The following GPC5 variants were observed in gnomAD, a reference collection of about 807,000 sequenced individuals.
GPC5 encodes the protein glypican-5.
Under a neutral mutation model 53.9 loss-of-function variants are expected in GPC5, and 47 were observed. That is an observed-to-expected ratio of 0.87 (90% CI 0.69 to 1.11). GPC5 has a LOEUF of 1.11. GPC5 is among the 50% of genes most tolerant of loss of function. GPC5 has a pLI of 0.00. For synonymous variants in GPC5, 286 were observed against 263.3 expected (o/e 1.09, Z -0.84); for missense variants, 748 against 713.1 (o/e 1.05, Z -0.56).
At chr13:92,112,001 T>C (rs1006170136) in intron 6 of GPC5, among the ~76,000 whole-genome samples, 2 of 152,120 alleles carry the variant, frequency 1.3e-5, no homozygotes, top group African/African-American at 4.8e-5. Context: ...TAAGAAACAA[T>C]GAGACTAAAA....
chr13:92,761,455 G>A (rs942039888), intron 7 of GPC5, among the ~76,000 whole-genome samples: 5 of 152,080 alleles, frequency 3.3e-5, no homozygotes, highest in African/African-American at 7.2e-5. Flanking sequence ...TACGTTTCTT[G>A]TGACTTTAAG....
intron 5 of GPC5, among the ~76,000 whole-genome samples, chr13:91,808,942 AT>A (rs2038267504): frequency 6.6e-6 from 1 of 152,194 alleles, no homozygotes; most frequent in Non-Finnish European, 1.5e-5. Context: ...AGCCCTCAAT[AT>A]CTTTGTGTTA....
intron 7 of GPC5, among the ~76,000 whole-genome samples, chr13:92,485,779 C>T (rs1183513798): frequency 6.6e-6 from 1 of 152,102 alleles, no homozygotes; most frequent in African/African-American, 2.4e-5. Flanking sequence ...AGCTTGAGAC[C>T]AGCCTGGCTA....
chr13:91,435,095 G>A (rs1317154040), intron 1 of GPC5, among the ~76,000 whole-genome samples: 1 of 152,148 alleles, frequency 6.6e-6, no homozygotes, highest in East Asian at 1.9e-4. Flanking sequence ...GGGCTGAGAT[G>A]ATGGGGTTTT....
chr13:91,911,006 T>A (rs2039604786), intron 6 of GPC5, among the ~76,000 whole-genome samples: 2 of 152,010 alleles, frequency 1.3e-5, no homozygotes. Context: ...TGATTCTGAA[T>A]AAGGAGAAGA....
At chr13:91,723,530 A>G (rs568439030) in intron 3 of GPC5, among the ~76,000 whole-genome samples, 3 of 151,794 alleles carry the variant, frequency 2.0e-5, no homozygotes, top group East Asian at 1.9e-4. Flanking sequence ...TCTAACTTCC[A>G]TATATCAGTG....
At chr13:92,217,508 T>A (rs1015272882) in intron 7 of GPC5, among the ~76,000 whole-genome samples, 3 of 152,138 alleles carry the variant, frequency 2.0e-5, no homozygotes, top group Non-Finnish European at 1.5e-5. Context: ...CTCCTGATAT[T>A]TTCTGCTAGT....
chr13:92,668,611 T>C (rs1886648067), intron 7 of GPC5, among the ~76,000 whole-genome samples: 2 of 152,160 alleles, frequency 1.3e-5, no homozygotes, highest in Admixed American at 6.6e-5. Context: ...ATTGTTGTCA[T>C]TGTTATTTTT....
At chr13:92,263,467 C>G (rs1280032406) in intron 7 of GPC5, among the ~76,000 whole-genome samples, 1 of 152,052 alleles carries the variant, frequency 6.6e-6, no homozygotes. Flanking sequence ...CACTTTTCCT[C>G]TCTTGTTTCT....
chr13:91,608,505 C>T (rs949565346), intron 2 of GPC5, among the ~76,000 whole-genome samples: 2 of 152,126 alleles, frequency 1.3e-5, no homozygotes, highest in African/African-American at 4.8e-5. Flanking sequence ...CATATTGTTG[C>T]AGGTAGAACC....
In GPC5 at chr13:91,693,695, G is replaced by C. The variant is rs764915776; in HGVS notation, c.834G>C (p.Met278Ile). ...KPCMGYCLNV[M>I]RGCLAHMAEL... ...GTATGGGATACTGCCTCAATGTCATGCGAGGCTGCCTGGCGCACATGGCGG... is the reference window on the plus strand; with the variant it reads ...GTATGGGATACTGCCTCAATGTCATCCGAGGCTGCCTGGCGCACATGGCGG... Residue 278 changes from methionine to isoleucine, a missense_variant, in exon 3 of 8, where the codon ATG becomes ATC. Met to Ile is a conservative substitution (Grantham distance 10). Coordinates refer to ENST00000377067, the MANE Select transcript of GPC5 (RefSeq NM_004466.6). The C allele has an allele frequency of 1.9e-6, 3 of 1,614,168 alleles. No individual in the cohort carries two copies. In the South Asian group the frequency reaches 3.3e-5, roughly 18 times the overall value.
chr13:92,518,675 T>C (rs540518927), intron 7 of GPC5, among the ~76,000 whole-genome samples: 1 of 152,208 alleles, frequency 6.6e-6, no homozygotes, highest in Non-Finnish European at 1.5e-5. Context: ...TGCAAAAACA[T>C]GACAAATTGT....
intron 7 of GPC5, among the ~76,000 whole-genome samples, chr13:92,390,725 AAAG>A (rs1454084356): frequency 2.6e-5 from 4 of 152,138 alleles, no homozygotes; most frequent in African/African-American, 9.7e-5. Flanking sequence ...TGTGGCCAAA[AAAG>A]AGAAAAAAAA....
intron 7 of GPC5, among the ~76,000 whole-genome samples, chr13:92,696,464 T>A (rs1340302924): frequency 1.3e-5 from 2 of 152,254 alleles, no homozygotes; most frequent in Non-Finnish European, 2.9e-5. Context: ...TTAGCTTTTT[T>A]AAATATGTTA....
At chr13:92,657,242 A>G (rs1176444230) in intron 7 of GPC5, among the ~76,000 whole-genome samples, 2 of 152,156 alleles carry the variant, frequency 1.3e-5, no homozygotes, top group Non-Finnish European at 2.9e-5. Flanking sequence ...AGTATGATAA[A>G]TATATTTAAA....
intron 6 of GPC5, among the ~76,000 whole-genome samples, chr13:91,944,767 T>C (rs1388253584): frequency 6.6e-6 from 1 of 152,202 alleles, no homozygotes; most frequent in African/African-American, 2.4e-5. Context: ...AAGAACTTTC[T>C]GTAAACAGCG....
At chr13:92,378,419 C>A (rs11838951) in intron 7 of GPC5, among the ~76,000 whole-genome samples, 40 of 152,236 alleles carry the variant, frequency 2.6e-4, no homozygotes, top group African/African-American at 9.4e-4. Context: ...CTTCTCTTAA[C>A]CCATTATTAA....
At chr13:92,866,246 C>T (rs536486524) in intron 7 of GPC5, 36 bp from the exon 8 acceptor site, 187 of 1,575,602 alleles carry the variant, frequency 1.2e-4, no homozygotes, top group Non-Finnish European at 1.5e-4. Flanking sequence ...GTGAAGTGGT[C>T]ATGCATCACC....
chr13:92,492,145 T>C (rs1181010786), intron 7 of GPC5, among the ~76,000 whole-genome samples: 1 of 152,202 alleles, frequency 6.6e-6, no homozygotes, highest in African/African-American at 2.4e-5. Context: ...CTCAGTATTT[T>C]GCAGAAGAAA....
Sources: gnomAD v4.1 joint callset for allele counts (sites outside exome capture counted in the v4.1 genomes callset) on GRCh38, gnomAD v4.1.1 for gene constraint, MANE v1.5 for transcripts, NCBI Gene and HGNC (gene_info 2026-07-23, HGNC 2026-07-21) for gene names.